IMMP2L: variants seen among roughly 807,000 people sequenced by gnomAD.
The protein encoded by IMMP2L is mitochondrial inner membrane protease subunit 2.
In IMMP2L, 18 loss-of-function variants were observed where a neutral mutation model predicts 19.3. That is an observed-to-expected ratio of 0.93 (90% CI 0.64 to 1.38). The LOEUF is 1.38. IMMP2L is among the 40% of genes most tolerant of loss of function. The pLI, the probability that IMMP2L is intolerant of heterozygous loss-of-function variation, is 0.00. For missense variants in IMMP2L, 233 were observed against 218.2 expected, an observed-to-expected ratio of 1.07 and a Z score of -0.43; for synonymous variants, 76 against 73.0, an observed-to-expected ratio of 1.04 and a Z score of -0.21.
chr7:110,721,152 A>G (rs1371094978), intron 5 of IMMP2L, among the ~76,000 whole-genome samples: 1 of 151,958 alleles, frequency 6.6e-6, no homozygotes. Flanking sequence ...AGCTTCGTAC[A>G]CTGACCAAAT....
chr7:111,015,817 A>T (rs2129564601), intron 3 of IMMP2L, among the ~76,000 whole-genome samples: 1 of 152,278 alleles, frequency 6.6e-6, no homozygotes, highest in African/African-American at 2.4e-5. Context: ...TTTAAAAAAA[A>T]AACTTTTCGA....
intron 2 of IMMP2L, among the ~76,000 whole-genome samples, chr7:111,505,567 A>T (rs1349767224): frequency 6.6e-6 from 1 of 152,166 alleles, no homozygotes; most frequent in African/African-American, 2.4e-5. Flanking sequence ...CTTGGAACCA[A>T]CCCAAATGTC....
At chr7:110,771,110 G>C (rs570308662) in intron 5 of IMMP2L, among the ~76,000 whole-genome samples, 62 of 152,202 alleles carry the variant, frequency 4.1e-4, no homozygotes, top group Non-Finnish European at 7.8e-4. Flanking sequence ...AGGTTCTGAC[G>C]GGAAATATCC....
At chr7:110,685,344 C>T (rs965654826) in intron 5 of IMMP2L, among the ~76,000 whole-genome samples, 1 of 152,118 alleles carries the variant, frequency 6.6e-6, no homozygotes. Flanking sequence ...ACAATATCAA[C>T]TCTGCAAGAC....
chr7:111,315,978 C>T (rs1047558271), intron 3 of IMMP2L, among the ~76,000 whole-genome samples: 1 of 152,068 alleles, frequency 6.6e-6, no homozygotes, highest in Non-Finnish European at 1.5e-5. Flanking sequence ...ACAGGGTATA[C>T]TTACACAAAC....
At position 111,367,985 on chromosome 7, in the gene IMMP2L, T is replaced by C. The variant is rs115379771; in HGVS notation, c.239+119253A>G. 9.1e-3 allele frequency among the ~76,000 whole-genome samples: 1,373 copies of C among 151,676 alleles called. 27 individuals are homozygous for C. Among genetic ancestry groups the C allele is most frequent in the African/African-American group, 0.032 (1,315 of 41,410 alleles). ...CTTCGTTTTTCCTTTTGACCACTCATTAAAAAAAGGAAAAGGTATTATTAA... is the reference window on the plus strand; with the variant it reads ...CTTCGTTTTTCCTTTTGACCACTCACTAAAAAAAGGAAAAGGTATTATTAA... On this transcript the variant is annotated intron_variant, in intron 3 of 5. Coordinates refer to ENST00000405709, the MANE Select transcript of IMMP2L (RefSeq NM_032549.4).
At position 110,886,653 on chromosome 7, in the gene IMMP2L, A is replaced by C. The variant is rs977881670; in HGVS notation, c.348T>G (p.Gly116=). 8.7e-6 allele frequency: 14 copies of C among 1,609,298 alleles called. No homozygotes were observed. The highest frequency in any genetic ancestry group is 1.2e-5 in the Non-Finnish European group (14 of 1,175,850). The change falls in exon 5 of 6, where the codon GGT becomes GGG. Residue 116 remains glycine (G), a synonymous_variant. Transcript: ENST00000405709. ...GATGATCACCTTCAACCCAGATGTG[A>C]CCACGGGGGACTTTGACATACCGGT... ...HKNRYVKVPR[G]HIWVEGDHHG...
chr7:110,990,577 G>A (rs1822353011), intron 3 of IMMP2L, among the ~76,000 whole-genome samples: 1 of 152,068 alleles, frequency 6.6e-6, no homozygotes, highest in Non-Finnish European at 1.5e-5. Flanking sequence ...ATAGGCACTG[G>A]GGTCAGACTG....
chr7:111,364,967 C>CA (rs372903536), intron 3 of IMMP2L, among the ~76,000 whole-genome samples: 3,197 of 113,408 alleles, frequency 0.028, 50 homozygotes, highest in Middle Eastern at 0.099. Context: ...GAGACTCTGT[C>CA]AAAAAAAAAA....
intron 3 of IMMP2L, among the ~76,000 whole-genome samples, chr7:110,995,787 T>C (rs1302508759): frequency 7.9e-5 from 12 of 152,128 alleles, no homozygotes; most frequent in African/African-American, 2.9e-4. Flanking sequence ...AGTCTCTGTA[T>C]CCTTGGCCAA....
intron 5 of IMMP2L, among the ~76,000 whole-genome samples, chr7:110,746,996 T>G (rs186250119): frequency 1.1e-3 from 171 of 152,204 alleles, no homozygotes; most frequent in African/African-American, 3.9e-3. Context: ...ACAAAATTGA[T>G]AGACCACTAG....
intron 3 of IMMP2L, among the ~76,000 whole-genome samples, chr7:111,157,725 T>C (rs1804798932): frequency 6.6e-6 from 1 of 152,192 alleles, no homozygotes; most frequent in Middle Eastern, 3.4e-3. Flanking sequence ...TAAAAGAGTG[T>C]AATTGGAGCA....
chr7:111,024,549 T>A (rs1011994137), intron 3 of IMMP2L, among the ~76,000 whole-genome samples: 3 of 152,216 alleles, frequency 2.0e-5, no homozygotes, highest in Non-Finnish European at 4.4e-5. Flanking sequence ...AGGCTCACCT[T>A]GTTTCCCATC....
chr7:111,015,809 T>TA (rs761501094), intron 3 of IMMP2L, among the ~76,000 whole-genome samples: 28 of 149,790 alleles, frequency 1.9e-4, no homozygotes, highest in African/African-American at 2.9e-4. Flanking sequence ...TTGAATGATT[T>TA]AAAAAAAAAA....
At chr7:111,557,325 G>A (rs1259252023) in intron 1 of IMMP2L, among the ~76,000 whole-genome samples, 2 of 152,106 alleles carry the variant, frequency 1.3e-5, no homozygotes, top group South Asian at 2.1e-4. Context: ...GGTATAAGAA[G>A]TGTACCCTGA....
intron 5 of IMMP2L, among the ~76,000 whole-genome samples, chr7:110,721,429 A>C (rs1239808583): frequency 6.6e-6 from 1 of 152,150 alleles, no homozygotes; most frequent in Non-Finnish European, 1.5e-5. Context: ...TGGTTTATCC[A>C]ATGAAAACAT....
intron 3 of IMMP2L, among the ~76,000 whole-genome samples, chr7:111,370,101 C>T (rs1017620102): frequency 6.6e-6 from 1 of 151,970 alleles, no homozygotes; most frequent in Non-Finnish European, 1.5e-5. Flanking sequence ...ACTTCATTGT[C>T]GGTCAGATCT....
intron 3 of IMMP2L, among the ~76,000 whole-genome samples, chr7:111,281,290 A>AGAAG (rs753683744): frequency 7.2e-5 from 11 of 151,792 alleles, no homozygotes; most frequent in African/African-American, 1.9e-4. Context: ...AAGGAAAGAA[A>AGAAG]GAAGGAAGGA....
intron 1 of IMMP2L, among the ~76,000 whole-genome samples, chr7:111,549,090 T>C (rs1378054410): frequency 1.3e-5 from 2 of 152,062 alleles, no homozygotes; most frequent in Non-Finnish European, 2.9e-5. Flanking sequence ...CAGCAAAAAA[T>C]ACAGTCATTT....
Sources: allele counts gnomAD v4.1 joint callset (sites outside exome capture counted in the v4.1 genomes callset), GRCh38; gene constraint gnomAD v4.1.1; transcripts MANE v1.5; gene names NCBI Gene and HGNC (gene_info 2026-07-23, HGNC 2026-07-21).